Variants in CAMK4 observed in about 807,000 individuals in gnomAD.
CAMK4 encodes the protein calcium/calmodulin-dependent protein kinase type IV.
CAMK4 carries 22 observed loss-of-function variants against 44.9 expected under a neutral mutation model. The ratio of observed to expected loss-of-function variants is 0.49; its 90% CI spans 0.35 to 0.70. The LOEUF is 0.70. Ranked by LOEUF, CAMK4 falls within the 30% of genes least tolerant of loss-of-function variation. The pLI is 0.01. For missense variants in CAMK4, 498 were observed against 586.8 expected, an observed-to-expected ratio of 0.85 and a Z score of 1.56; for synonymous variants, 218 against 215.4, an observed-to-expected ratio of 1.01 and a Z score of -0.11.
rs1181578567 is a variant in CAMK4, at chr5:111,269,735, G to A, written c.161+45091G>A. On this transcript the variant is annotated intron_variant, in intron 1 of 10. Coordinates refer to ENST00000282356, the MANE Select transcript of CAMK4 (RefSeq NM_001744.6). ...CCCTGCAGTCCCTAAAGAGAGCATA[G>A]GGAGCCAGAAGGTCTAACTCAGCTC... 2.0e-5 allele frequency among the ~76,000 whole-genome samples: 3 copies of A among 152,130 alleles called. No individual in the cohort carries two copies. In the South Asian group the frequency reaches 6.2e-4, roughly 32 times the overall value.
intron 1 of CAMK4, among the ~76,000 whole-genome samples, chr5:111,317,267 A>G (rs185383274): frequency 6.6e-6 from 1 of 152,160 alleles, no homozygotes; most frequent in South Asian, 2.1e-4. Context: ...TACATTACAT[A>G]GTGATTTAAA....
chr5:111,230,179 A>G (rs992062880), intron 1 of CAMK4, among the ~76,000 whole-genome samples: 2 of 152,092 alleles, frequency 1.3e-5, no homozygotes, highest in Non-Finnish European at 2.9e-5. Flanking sequence ...CCTAATCTCA[A>G]TCAGCATTGG....
intron 1 of CAMK4, among the ~76,000 whole-genome samples, chr5:111,233,022 AT>A (rs971680714): frequency 6.6e-6 from 1 of 152,222 alleles, no homozygotes; most frequent in African/African-American, 2.4e-5. Flanking sequence ...TGACAGTAAA[AT>A]TTGACTTTCA....
At chr5:111,468,856 T>C in intron 7 of CAMK4, among the ~76,000 whole-genome samples, 1 of 151,984 alleles carries the variant, frequency 6.6e-6, no homozygotes, top group East Asian at 1.9e-4. Flanking sequence ...CACCTGCCTG[T>C]AATCACAGCT....
chr5:111,339,225 T>C (rs1399807218), intron 1 of CAMK4, among the ~76,000 whole-genome samples: 1 of 151,320 alleles, frequency 6.6e-6, no homozygotes, highest in Non-Finnish European at 1.5e-5. Context: ...AGAAGCTTTC[T>C]AGTTTGATAT....
chr5:111,227,506 T>C (rs941684448), intron 1 of CAMK4, among the ~76,000 whole-genome samples: 3 of 152,212 alleles, frequency 2.0e-5, no homozygotes, highest in South Asian at 2.1e-4. Context: ...ATTACAGTTG[T>C]CTGTTGTAAA....
chr5:111,339,784 G>A (rs956701653), intron 1 of CAMK4, among the ~76,000 whole-genome samples: 7 of 151,130 alleles, frequency 4.6e-5, no homozygotes, highest in African/African-American at 1.7e-4. Flanking sequence ...TTTTGATAGG[G>A]ATTATATTGA....
At chr5:111,354,396 G>A (rs1033265947) in intron 2 of CAMK4, among the ~76,000 whole-genome samples, 1 of 150,390 alleles carries the variant, frequency 6.6e-6, no homozygotes, top group African/African-American at 2.5e-5. Context: ...ATAACACTGT[G>A]TTGGTATACT....
At chr5:111,357,881 G>C (rs1750433935) in intron 2 of CAMK4, 2 of 152,042 alleles carry the variant, frequency 1.3e-5, no homozygotes, top group African/African-American at 2.4e-5. Context: ...GAGAGTCTTA[G>C]AGAAGTGTCA....
intron 1 of CAMK4, among the ~76,000 whole-genome samples, chr5:111,285,956 T>C (rs1206068360): frequency 6.6e-6 from 1 of 152,196 alleles, no homozygotes; most frequent in African/African-American, 2.4e-5. Context: ...GACTTGCTGT[T>C]AGTAGCATTG....
intron 1 of CAMK4, among the ~76,000 whole-genome samples, chr5:111,273,109 C>A (rs958726665): frequency 6.6e-5 from 10 of 152,038 alleles, no homozygotes; most frequent in Non-Finnish European, 1.0e-4. Flanking sequence ...ATTATTGTGT[C>A]AAAAATTATA....
In CAMK4 at chr5:111,432,500, A is replaced by G. The variant is rs992760431; in HGVS notation, c.460-14186A>G. On this transcript the variant is annotated intron_variant, in intron 5 of 10. Coordinates refer to ENST00000282356, the MANE Select transcript of CAMK4 (RefSeq NM_001744.6). ...TTGTGTGTTTAAAAATAACTAATTC[A>G]GTTATTTGTAACTCAAAGGATAAAT... Among the ~76,000 whole-genome samples, 8 of 152,038 alleles carry G rather than the reference A, an allele frequency of 5.3e-5. 1 individual carries two copies. Among genetic ancestry groups the G allele is most frequent in the Middle Eastern group, 3.4e-3 (1 of 294 alleles).
chr5:111,365,225 T>C (rs1750747930), intron 2 of CAMK4: 1 of 152,090 alleles, frequency 6.6e-6, no homozygotes. Context: ...TAGTATATAC[T>C]AGTGGACCAT....
chr5:111,321,056 A>C (rs1350068984), intron 1 of CAMK4, among the ~76,000 whole-genome samples: 3 of 152,176 alleles, frequency 2.0e-5, no homozygotes, highest in African/African-American at 7.2e-5. Context: ...ATAAGCTCTA[A>C]TAATTGATAA....
chr5:111,326,714 G>A lies in CAMK4; in HGVS notation c.162-17310G>A, dbSNP rs564383246. 2.3e-3 allele frequency among the ~76,000 whole-genome samples: 352 copies of A among 151,708 alleles called. 2 individuals carry two copies. Among genetic ancestry groups the A allele is most frequent in the African/African-American group, 8.3e-3 (345 of 41,388 alleles). On this transcript the variant is annotated intron_variant, in intron 1 of 10. Transcript: ENST00000282356. ...AAAAGAGTACAAAGAAACATTCTGT[G>A]AATGTTGCCATTTGCAGATAAGGAC... is the stretch of plus-strand genomic sequence containing the variant.
Position 111,489,377 on chromosome 5 carries a change from T to C in CAMK4, c.*4911T>C, listed in dbSNP as rs1377311819. ...CAAATTTTGTCATTATTACTCCTTGTGGCTATTACCTGAGATCAGATAATA... is the reference window on the plus strand; with the variant it reads ...CAAATTTTGTCATTATTACTCCTTGCGGCTATTACCTGAGATCAGATAATA... On this transcript the variant is annotated 3_prime_UTR_variant, in exon 11 of 11. Coordinates refer to ENST00000282356, the MANE Select transcript of CAMK4 (RefSeq NM_001744.6). 6.6e-6 allele frequency: 1 copy of C among 152,226 alleles called. No individual in the cohort carries two copies. The highest frequency in any genetic ancestry group is 2.4e-5 in the African/African-American group (1 of 41,454). The allele number at this position is 152,226 out of a possible 1,614,324, so 9.4% of individuals were successfully genotyped here.
intron 5 of CAMK4, among the ~76,000 whole-genome samples, chr5:111,420,319 T>C (rs1752977885): frequency 6.6e-6 from 1 of 152,164 alleles, no homozygotes; most frequent in Non-Finnish European, 1.5e-5. Context: ...AAGTTGCTTA[T>C]CAGCTTAAGG....
intron 1 of CAMK4, among the ~76,000 whole-genome samples, chr5:111,332,739 C>T (rs1749223663): frequency 1.3e-5 from 2 of 151,534 alleles, no homozygotes; most frequent in African/African-American, 4.8e-5. Flanking sequence ...TGCCTGACTT[C>T]AGGGATTACA....
chr5:111,365,426 C>T (rs1378636211), intron 2 of CAMK4, among the ~76,000 whole-genome samples: 2 of 151,946 alleles, frequency 1.3e-5, no homozygotes, highest in African/African-American at 2.4e-5. Flanking sequence ...GTTGAATGAA[C>T]CATCCATGTG....
Sources: allele counts gnomAD v4.1 joint callset (sites outside exome capture counted in the v4.1 genomes callset), GRCh38; gene constraint gnomAD v4.1.1; transcripts MANE v1.5; gene names NCBI Gene and HGNC (gene_info 2026-07-23, HGNC 2026-07-21).